KCNC2: variants seen among roughly 807,000 people sequenced by gnomAD.
KCNC2 encodes the protein potassium voltage-gated channel subfamily C member 2.
KCNC2 carries 21 observed loss-of-function variants against 44.5 expected under a neutral mutation model. The observed-to-expected ratio is 0.47, with a 90% CI of 0.33 to 0.68. KCNC2 has a LOEUF of 0.68. Ranked by LOEUF, KCNC2 falls within the 30% of genes least tolerant of loss-of-function variation. The pLI, the probability that KCNC2 is intolerant of heterozygous loss-of-function variation, is 0.01. For missense variants in KCNC2, 589 were observed against 826.2 expected (o/e 0.71, Z 3.52); for synonymous variants, 391 against 339.1 (o/e 1.15, Z -1.68).
intron 2 of KCNC2, among the ~76,000 whole-genome samples, chr12:75,152,682 T>C (rs1890486792): frequency 2.0e-5 from 3 of 151,996 alleles, no homozygotes; most frequent in South Asian, 2.1e-4. Flanking sequence ...TATGTTCATT[T>C]AGGGTGGGAA....
chr12:75,202,894 G>T (rs867652352), intron 2 of KCNC2, among the ~76,000 whole-genome samples: 5 of 150,332 alleles, frequency 3.3e-5, no homozygotes, highest in African/African-American at 9.8e-5. Flanking sequence ...TTTAGGAAAC[G>T]TTTTATTACA....
chr12:75,150,151 T>C (rs573005512), intron 2 of KCNC2, among the ~76,000 whole-genome samples: 1 of 151,982 alleles, frequency 6.6e-6, no homozygotes, highest in Admixed American at 6.6e-5. Context: ...GCTTTACTCA[T>C]AGGACACAAA....
chr12:75,059,012 G>A (rs1161586416), intron 2 of KCNC2, among the ~76,000 whole-genome samples: 1 of 152,018 alleles, frequency 6.6e-6, no homozygotes, highest in African/African-American at 2.4e-5. Flanking sequence ...CTATTCAGAT[G>A]TATGAGCAGC....
At chr12:75,066,087 A>G (rs539965195) in intron 2 of KCNC2, among the ~76,000 whole-genome samples, 2 of 152,282 alleles carry the variant, frequency 1.3e-5, no homozygotes, top group African/African-American at 4.8e-5. Flanking sequence ...GAATAATTCA[A>G]GAACACCTAA....
chr12:75,177,681 A>G (rs1467125773), intron 2 of KCNC2, among the ~76,000 whole-genome samples: 1 of 152,062 alleles, frequency 6.6e-6, no homozygotes, highest in Non-Finnish European at 1.5e-5. Context: ...AAGAAAATTA[A>G]GTTCTCTTCT....
chr12:75,170,309 T>C (rs967489986), intron 2 of KCNC2, among the ~76,000 whole-genome samples: 5 of 151,508 alleles, frequency 3.3e-5, no homozygotes, highest in Non-Finnish European at 5.9e-5. Flanking sequence ...AATAGCAGAG[T>C]GGCCCAGACA....
Position 75,041,618 on chromosome 12 carries a change from G to GC in KCNC2, c.*1486_*1487insG. 1 of 1,023,638 alleles carries GC rather than the reference G, an allele frequency of 9.8e-7. No individual in the cohort carries two copies. Among genetic ancestry groups the GC allele is most frequent in the Non-Finnish European group, 1.2e-6 (1 of 851,910 alleles). 63.4% of individuals were successfully genotyped at this position (1,023,638 alleles called of 1,614,324 possible). A position where few individuals can be genotyped will look rare whatever the true frequency, so the allele number is the denominator to read the frequency against. On this transcript the variant is annotated 3_prime_UTR_variant, in exon 5 of 5. Transcript: ENST00000549446. ...TTGAATTCATAGGAATGCATAAATA[G>GC]ACTTTCTTCCACTCAGACTGAATAT...
intron 2 of KCNC2, among the ~76,000 whole-genome samples, chr12:75,151,615 A>T (rs962169066): frequency 4.6e-5 from 7 of 151,952 alleles, no homozygotes; most frequent in South Asian, 2.1e-4. Flanking sequence ...TAAGTGTGTG[A>T]GAGAGAGAAG....
chr12:75,207,188 G>C lies in KCNC2; in HGVS notation c.687+109C>G. 1 of 1,454,682 alleles carries C rather than the reference G, an allele frequency of 6.9e-7. No individual in the cohort carries two copies. Among genetic ancestry groups the C allele is most frequent in the Non-Finnish European group, 9.1e-7 (1 of 1,103,542 alleles). 90.1% of individuals were successfully genotyped at this position (1,454,682 alleles called of 1,614,324 possible). A position where few individuals can be genotyped will look rare whatever the true frequency, so the allele number is the denominator to read the frequency against. ...TAACTGTATCGCTAGGAAATCCCGGGTCTCTTCTACCCCCCATGCCTGAGG... is the reference window on the plus strand; with the variant it reads ...TAACTGTATCGCTAGGAAATCCCGGCTCTCTTCTACCCCCCATGCCTGAGG... On this transcript the variant is annotated intron_variant, in intron 2 of 4. Coordinates refer to ENST00000549446, the MANE Select transcript of KCNC2 (RefSeq NM_139137.4). This position sits in a 1 kb window ranked among gnomAD's most constrained non-coding sequence, Gnocchi z 4.1.
At chr12:75,084,834 G>T (rs1884859483) in intron 2 of KCNC2, among the ~76,000 whole-genome samples, 1 of 151,728 alleles carries the variant, frequency 6.6e-6, no homozygotes, top group Non-Finnish European at 1.5e-5. Context: ...TTGAAGATAT[G>T]TATGCTCTAA....
intron 2 of KCNC2, among the ~76,000 whole-genome samples, chr12:75,062,450 A>T (rs946838728): frequency 1.3e-5 from 2 of 152,022 alleles, no homozygotes; most frequent in African/African-American, 2.4e-5. Context: ...TTTTTTCAGG[A>T]TCCTTATAAA....
chr12:75,174,797 A>G (rs925054309), intron 2 of KCNC2, among the ~76,000 whole-genome samples: 3 of 151,932 alleles, frequency 2.0e-5, no homozygotes, highest in African/African-American at 7.2e-5. Context: ...CTCCCATTAG[A>G]GTTGCCAACA....
intron 2 of KCNC2, among the ~76,000 whole-genome samples, chr12:75,055,556 A>G (rs1881651170): frequency 6.6e-6 from 1 of 152,084 alleles, no homozygotes; most frequent in Non-Finnish European, 1.5e-5. Context: ...AATGTTAGAA[A>G]GCTCTCCAGA....
chr12:75,054,801 A>G (rs1239489461), intron 2 of KCNC2, among the ~76,000 whole-genome samples: 1 of 152,114 alleles, frequency 6.6e-6, no homozygotes, highest in African/African-American at 2.4e-5. Flanking sequence ...AGGAAGAGGA[A>G]CTCAGTTTGT....
At chr12:75,099,735 C>T (rs1886225674) in intron 2 of KCNC2, among the ~76,000 whole-genome samples, 1 of 152,060 alleles carries the variant, frequency 6.6e-6, no homozygotes, top group Non-Finnish European at 1.5e-5. Context: ...TGAATAACTG[C>T]ACATTAATAA....
intron 2 of KCNC2, among the ~76,000 whole-genome samples, chr12:75,170,001 G>C (rs898325635): frequency 2.6e-5 from 4 of 151,590 alleles, no homozygotes; most frequent in Non-Finnish European, 5.9e-5. Context: ...GGGGGAAATT[G>C]CTTATTTTAA....
intron 2 of KCNC2, among the ~76,000 whole-genome samples, chr12:75,138,182 G>C (rs748193900): frequency 2.0e-5 from 3 of 152,114 alleles, no homozygotes; most frequent in Non-Finnish European, 2.9e-5. Flanking sequence ...GCAACTATCT[G>C]CATTTTTTGC....
At chr12:75,107,448 C>G (rs1419765274) in intron 2 of KCNC2, among the ~76,000 whole-genome samples, 1 of 151,862 alleles carries the variant, frequency 6.6e-6, no homozygotes, top group African/African-American at 2.4e-5. Flanking sequence ...TATTTTTCAG[C>G]GTCTATGTGT....
At chr12:75,049,192 T>TA (rs1169455882) in intron 3 of KCNC2, among the ~76,000 whole-genome samples, 28 of 152,114 alleles carry the variant, frequency 1.8e-4, no homozygotes, top group Non-Finnish European at 1.3e-4. Flanking sequence ...TACAAACACT[T>TA]ACAAACTTCA....
Sources: gnomAD v4.1 joint callset for allele counts (sites outside exome capture counted in the v4.1 genomes callset) on GRCh38, gnomAD v4.1.1 for gene constraint, Gnocchi (gnomAD v3.1) non-coding constraint, MANE v1.5 for transcripts, NCBI Gene and HGNC (gene_info 2026-07-23, HGNC 2026-07-21) for gene names.